SLC27A2: variants seen among roughly 807,000 people sequenced by gnomAD.
SLC27A2 encodes the protein solute carrier family 27 member 2.
In SLC27A2, 54 loss-of-function variants were observed where a neutral mutation model predicts 60.0. The ratio of observed to expected loss-of-function variants is 0.90; its 90% CI spans 0.72 to 1.13. SLC27A2 has a LOEUF of 1.13. SLC27A2 is among the 50% of genes most tolerant of loss of function. SLC27A2 has a pLI of 0.00. For missense variants in SLC27A2, 739 were observed against 777.6 expected (o/e 0.95, Z 0.59); for synonymous variants, 297 against 297.6 (o/e 1.00, Z 0.02).
chr15:50,231,043 G>A (rs1219389434), intron 8 of SLC27A2, among the ~76,000 whole-genome samples: 1 of 152,062 alleles, frequency 6.6e-6, no homozygotes, highest in African/African-American at 2.4e-5. Flanking sequence ...TAAAAACATT[G>A]GAAGTCTGAT....
chr15:50,195,828 G>A (rs2045010526), intron 1 of SLC27A2, among the ~76,000 whole-genome samples: 1 of 150,694 alleles, frequency 6.6e-6, no homozygotes, highest in Non-Finnish European at 1.5e-5. Flanking sequence ...GGCCGAGGCG[G>A]GCGGATCCCG....
chr15:50,182,932 G>A, intron 1 of SLC27A2, 27 bp downstream of exon 1: 1 of 1,568,338 alleles, frequency 6.4e-7, no homozygotes, highest in Non-Finnish European at 8.6e-7. Context: ...GCCCTGCCCT[G>A]GCACCAGGGC....
intron 4 of SLC27A2, among the ~76,000 whole-genome samples, chr15:50,219,717 A>G (rs1412862112): frequency 6.6e-6 from 1 of 152,170 alleles, no homozygotes. Flanking sequence ...GAAACAGGTC[A>G]ACTGCCTGAC....
chr15:50,187,532 G>C (rs1370312515), intron 1 of SLC27A2, among the ~76,000 whole-genome samples: 1 of 152,138 alleles, frequency 6.6e-6, no homozygotes, highest in Non-Finnish European at 1.5e-5. Context: ...AGATAACCCA[G>C]GTCTCCTGAG....
At chr15:50,204,810 GTA>G (rs957677663) in intron 3 of SLC27A2, among the ~76,000 whole-genome samples, 17 of 145,026 alleles carry the variant, frequency 1.2e-4, no homozygotes, top group African/African-American at 3.9e-4. Flanking sequence ...ATGTGTGTGT[GTA>G]TATATATAAT....
intron 1 of SLC27A2, among the ~76,000 whole-genome samples, chr15:50,185,179 G>C (rs907729277): frequency 1.3e-5 from 2 of 152,168 alleles, no homozygotes; most frequent in African/African-American, 4.8e-5. Context: ...AATAAAGTCA[G>C]AATTACAACC....
At chr15:50,195,637 G>A (rs1312906178) in intron 1 of SLC27A2, among the ~76,000 whole-genome samples, 1 of 152,058 alleles carries the variant, frequency 6.6e-6, no homozygotes, top group Admixed American at 6.5e-5. Context: ...AGGTGCATGA[G>A]TCTTTTGATT....
chr15:50,182,779 G>GTGTGGC lies in SLC27A2; in HGVS notation c.361_366dup (p.Trp121_Leu122dup), dbSNP rs764450503. On this transcript the variant is annotated inframe_insertion, in exon 1 of 10. Transcript: ENST00000267842. Reference sequence around the variant, plus strand: ...CCTTATGGGTAACGAGCCGGCCTACGTGTGGCTGTGGCTGGGGCTGGTGAA... The same window carrying GTGTGGC: ...CCTTATGGGTAACGAGCCGGCCTACGTGTGGCTGTGGCTGTGGCTGGGGCTGGTGAA... 1.9e-5 allele frequency: 30 copies of GTGTGGC among 1,613,854 alleles called. No homozygotes were observed. The highest frequency in any genetic ancestry group is 2.2e-5 in the East Asian group (1 of 44,872).
intron 1 of SLC27A2, among the ~76,000 whole-genome samples, chr15:50,194,497 C>T (rs141717751): frequency 2.0e-5 from 3 of 152,060 alleles, no homozygotes; most frequent in Admixed American, 6.6e-5. Context: ...GAGGCACCTC[C>T]GGTCCTCCCG....
chr15:50,187,198 A>G (rs2044931736), intron 1 of SLC27A2, among the ~76,000 whole-genome samples: 1 of 152,242 alleles, frequency 6.6e-6, no homozygotes, highest in Non-Finnish European at 1.5e-5. Context: ...ACTGTTTCCC[A>G]GAGAATATGA....
chr15:50,202,997 T>C (rs181132509), intron 3 of SLC27A2, among the ~76,000 whole-genome samples: 169 of 138,430 alleles, frequency 1.2e-3, no homozygotes, highest in African/African-American at 4.4e-3. Context: ...CTGGGCAACA[T>C]AGCAAACCTC....
At chr15:50,207,972 G>T (rs2045126356) in intron 4 of SLC27A2, among the ~76,000 whole-genome samples, 1 of 151,298 alleles carries the variant, frequency 6.6e-6, no homozygotes, top group Non-Finnish European at 1.5e-5. Context: ...AAAAGAATTG[G>T]ATAAAAACTA....
chr15:50,196,078 ATATATATATATATATATATATATAT>A (rs1229086211), intron 1 of SLC27A2, among the ~76,000 whole-genome samples: 154 of 7,798 alleles, frequency 0.02, 34 homozygotes, highest in African/African-American at 0.093. Flanking sequence ...AAAAAAAAAA[ATATATATATATATATATATATATAT>A]ATATATATAT....
chr15:50,196,072 AAAAAAATATATATATATATATATATAT>A lies in SLC27A2; in HGVS notation c.479-1426_479-1400del, dbSNP rs1416187579. On this transcript the variant is annotated intron_variant, in intron 1 of 9. Transcript: ENST00000267842. ...CTGTCTCAAAAAAAAAAAAAAAAAA[AAAAAAATATATATATATATATATATAT>A]ATATATATATATATATATATATATA... Among the ~76,000 whole-genome samples, 31 of 18,114 alleles carry A rather than the reference AAAAAAATATATATATATATATATATAT, an allele frequency of 1.7e-3. 3 individuals are homozygous for A. Among genetic ancestry groups the A allele is most frequent in the South Asian group, 6.4e-3 (2 of 312 alleles). The allele number at this position is 18,114 out of a possible 152,430, so 11.9% of individuals were successfully genotyped here.
At chr15:50,185,909 G>A (rs1159406954) in intron 1 of SLC27A2, among the ~76,000 whole-genome samples, 9 of 151,722 alleles carry the variant, frequency 5.9e-5, no homozygotes, top group Non-Finnish European at 7.4e-5. Context: ...GATTACAGGC[G>A]TGAGCCACCA....
intron 9 of SLC27A2, among the ~76,000 whole-genome samples, chr15:50,234,376 T>C (rs1595694614): frequency 6.6e-6 from 1 of 151,852 alleles, no homozygotes. Context: ...TCACCTGAGG[T>C]CGGGGGTTCG....
chr15:50,235,951 A>T lies in SLC27A2; in HGVS notation c.1718A>T (p.His573Leu), dbSNP rs765690098. The change falls in exon 10 of 10, where the codon CAC (histidine) becomes CTC (leucine). Residue 573 changes from histidine (H) to leucine (L), a missense_variant. Transcript: ENST00000267842. Reference protein sequence around the residue: ...DTIEITGTFKHRKMTLVEEGF... With the variant: ...DTIEITGTFKLRKMTLVEEGF... Reference sequence around the variant, plus strand: ...ATTGAGATCACTGGAACTTTTAAACACCGCAAAATGACCCTGGTGGAGGAG... The same window carrying T: ...ATTGAGATCACTGGAACTTTTAAACTCCGCAAAATGACCCTGGTGGAGGAG... 1.1e-5 allele frequency: 18 copies of T among 1,613,178 alleles called. No homozygotes were observed. The South Asian group carries it at 1.9e-4, about 17-fold the overall frequency.
chr15:50,205,897 G>A (rs1353823821), intron 4 of SLC27A2, among the ~76,000 whole-genome samples: 2 of 152,070 alleles, frequency 1.3e-5, no homozygotes, highest in Non-Finnish European at 2.9e-5. Context: ...ACTTAATGCT[G>A]TTTAACAAAT....
In SLC27A2 at chr15:50,182,846, C is replaced by T. The variant is rs776085924; in HGVS notation, c.419C>T (p.Ala140Val). The T allele has an allele frequency of 8.1e-6, 13 of 1,613,236 alleles. No homozygotes were observed. Among genetic ancestry groups the T allele is most frequent in the Non-Finnish European group, 1.1e-5 (13 of 1,179,958 alleles). ...AMACLNYNIRAKSLLHCFQCC... is the reference protein window; with the variant it reads ...AMACLNYNIRVKSLLHCFQCC... ...GCGTGCCTCAATTACAACATCCGCG[C>T]GAAGTCCCTGCTGCACTGCTTCCAG... The change falls in exon 1 of 10, where the codon GCG becomes GTG. Residue 140 changes from alanine (A) to valine (V), a missense_variant. By Grantham distance (64) the Ala-to-Val change is moderately conservative. Transcript: ENST00000267842.
Sources: allele counts gnomAD v4.1 joint callset (sites outside exome capture counted in the v4.1 genomes callset), GRCh38; gene constraint gnomAD v4.1.1; transcripts MANE v1.5; gene names NCBI Gene and HGNC (gene_info 2026-07-23, HGNC 2026-07-21).